The following WDR11 variants were observed in gnomAD, a reference collection of about 807,000 sequenced individuals.
WDR11 encodes the protein WD repeat domain 11.
In WDR11, 83 loss-of-function variants were observed where a neutral mutation model predicts 151.2. The observed-to-expected ratio is 0.55, with a 90% confidence interval of 0.46 to 0.66. WDR11 has a LOEUF of 0.66. Among genes scored for constraint, WDR11 ranks in the 30% least tolerant of loss-of-function variants. The pLI, the probability that WDR11 is intolerant of heterozygous loss-of-function variation, is 0.00. For synonymous variants in WDR11, 484 were observed against 533.1 expected (o/e 0.91, Z 1.27); for missense variants, 1,301 against 1,480.9 (o/e 0.88, Z 1.99).
Position 120,890,832 on chromosome 10 carries a change from C to T in WDR11, c.2460C>T (p.Val820=). Reference sequence around the variant, plus strand: ...CCTCAGATGATGGGTGCATCAGAGTCCTAGAGATGTCTATGAAGTCTGCGT... The same window carrying T: ...CCTCAGATGATGGGTGCATCAGAGTTCTAGAGATGTCTATGAAGTCTGCGT... The part of the protein sequence containing the change: ...ILASDDGCIR[V]LEMSMKSACF... Residue 820 remains valine (V), a synonymous_variant, in exon 19 of 29, where the codon GTC becomes GTT. Coordinates refer to ENST00000263461, the MANE Select transcript of WDR11 (RefSeq NM_018117.12). The T allele has an allele frequency of 6.2e-7, 1 of 1,614,068 alleles. No homozygotes were observed. Among genetic ancestry groups the T allele is most frequent in the Non-Finnish European group, 8.5e-7 (1 of 1,180,024 alleles).
intron 24 of WDR11, 51 bp downstream of exon 24, chr10:120,904,193 C>A (rs372531191): frequency 2.1e-5 from 29 of 1,371,646 alleles, no homozygotes; most frequent in Non-Finnish European, 3.0e-5. Flanking sequence ...CTAGTTAATT[C>A]GTATTTCAGA....
intron 4 of WDR11, among the ~76,000 whole-genome samples, chr10:120,860,816 C>G (rs1164951052): frequency 6.6e-6 from 1 of 152,114 alleles, no homozygotes; most frequent in Non-Finnish European, 1.5e-5. Context: ...ATGAGATGTG[C>G]TTTAGGTATT....
intron 1 of WDR11, chr10:120,851,948 C>A (rs867788740): frequency 4.1e-6 from 1 of 245,760 alleles, no homozygotes. Flanking sequence ...TTTCACCTGT[C>A]CTTTTCACCT....
rs1254158 is a variant in WDR11 at position 120,875,185 on chromosome 10, G to A, written c.1556+1262G>A. 2.6e-5 allele frequency among the ~76,000 whole-genome samples: 4 copies of A among 152,166 alleles called. No homozygotes were observed. The South Asian group carries it at 6.2e-4, about 24-fold the overall frequency. ...GCTGCGTATTTTTCATTTCTATAAC[G>A]ATCCATCAGTAGGACTGCTTATGAC... is the stretch of plus-strand genomic sequence containing the variant. On this transcript the variant is annotated intron_variant, in intron 11 of 28. Coordinates refer to ENST00000263461, the MANE Select transcript of WDR11 (RefSeq NM_018117.12).
intron 1 of WDR11, chr10:120,852,275 C>A (rs563674675): frequency 5.6e-5 from 25 of 448,628 alleles, no homozygotes; most frequent in African/African-American, 4.8e-4. Flanking sequence ...CTTTTTATGT[C>A]CTCGGGTCTC....
intron 24 of WDR11, among the ~76,000 whole-genome samples, chr10:120,904,357 GC>G (rs1263454290): frequency 6.6e-6 from 1 of 151,934 alleles, no homozygotes; most frequent in Non-Finnish European, 1.5e-5. Context: ...CTTCCATAAT[GC>G]CCAGTGGAGC....
chr10:120,851,853 T>G (rs1845787856), intron 1 of WDR11: 3 of 392,426 alleles, frequency 7.6e-6, no homozygotes, highest in Non-Finnish European at 9.5e-6. Context: ...CACTTTCTCT[T>G]TCCCATCCTG....
chr10:120,890,009 G>A lies in WDR11; in HGVS notation c.2343G>A (p.Glu781=). 1 of 1,585,002 alleles carries A rather than the reference G, an allele frequency of 6.3e-7. No homozygotes were observed. Among genetic ancestry groups the A allele is most frequent in the Non-Finnish European group, 8.7e-7 (1 of 1,153,804 alleles). ...NDGAEVWDTK[E]VQMVSSLRSG... ...GAGCTGAAGTGTGGGATACTAAAGA[G>A]GTAGGCCCTCTCCATGAGGATAAAA... The change falls in exon 18 of 29, where the codon GAG becomes GAA. Residue 781 remains glutamate (E), a splice_region_variant and synonymous_variant. Transcript: ENST00000263461.
chr10:120,905,192 C>A, intron 25 of WDR11, 127 bp from the exon 26 acceptor site: 1 of 884,610 alleles, frequency 1.1e-6, no homozygotes, highest in Non-Finnish European at 1.8e-6. Context: ...GAATTTAAAT[C>A]AAGAATGTCT....
chr10:120,875,978 C>CTTTTTTTTTTT (rs67775105), intron 11 of WDR11, among the ~76,000 whole-genome samples: 6 of 122,810 alleles, frequency 4.9e-5, no homozygotes, highest in Admixed American at 9.2e-5. Context: ...CCTTTTTTTT[C>CTTTTTTTTTTT]TTTTTTTTTT....
At chr10:120,889,369 C>T (rs1009941182) in intron 17 of WDR11, 185 bp downstream of exon 17, 8 of 552,264 alleles carry the variant, frequency 1.4e-5, no homozygotes, top group African/African-American at 1.3e-4. Context: ...ACCCGAGTAG[C>T]TGGGACTACA....
At chr10:120,861,325 AG>A (rs889230171) in intron 4 of WDR11, among the ~76,000 whole-genome samples, 7 of 152,338 alleles carry the variant, frequency 4.6e-5, no homozygotes, top group Middle Eastern at 3.4e-3. Context: ...AATACACTAC[AG>A]GGTGCTTAGG....
At chr10:120,888,288 C>T (rs1847294661) in intron 16 of WDR11, among the ~76,000 whole-genome samples, 1 of 152,188 alleles carries the variant, frequency 6.6e-6, no homozygotes, top group African/African-American at 2.4e-5. Flanking sequence ...GTTTCATGAA[C>T]TTACCCTACT....
In WDR11 at chr10:120,890,885, C is replaced by T; in HGVS notation, c.2513C>T (p.Thr838Ile). The change falls in exon 19 of 29, where the codon ACC (threonine) becomes ATC (isoleucine). Residue 838 changes from threonine (T) to isoleucine (I), a missense_variant and splice_region_variant. Coordinates refer to ENST00000263461, the MANE Select transcript of WDR11 (RefSeq NM_018117.12). ...TTTAGAATGGATGAACAAGAGTTAA[C>T]CGGTATGGAATCCTAATGATAGGGG... ...ACFRMDEQEL[T>I]EPVWCPYLLV... 1 of 1,614,116 alleles carries T rather than the reference C, an allele frequency of 6.2e-7. No homozygotes were observed. Among genetic ancestry groups the T allele is most frequent in the East Asian group, 2.2e-5 (1 of 44,862 alleles).
intron 11 of WDR11, among the ~76,000 whole-genome samples, chr10:120,877,132 T>C (rs953043546): frequency 2.0e-5 from 3 of 152,208 alleles, no homozygotes; most frequent in African/African-American, 7.2e-5. Flanking sequence ...TAAGGTTTAT[T>C]ATCCTGGATT....
At chr10:120,905,632 A>G in intron 26 of WDR11, 1 of 800,974 alleles carries the variant, frequency 1.2e-6, no homozygotes, top group East Asian at 2.7e-5. Context: ...AAGTAAAAGC[A>G]GCTGCCTCCT....
rs2133744448 is a variant in WDR11 at position 120,865,170 on chromosome 10, G to C, written c.837G>C (p.Val279=). ...LILDLEVNQT[V]GVIAIERTGV... ...TTGACCTTGAGGTGAATCAGACGGTGGGTGTGATTGCAATAGAACGCACAG... is the reference window on the plus strand; with the variant it reads ...TTGACCTTGAGGTGAATCAGACGGTCGGTGTGATTGCAATAGAACGCACAG... The change falls in exon 6 of 29, where the codon GTG becomes GTC. Residue 279 remains valine, a synonymous_variant. Coordinates refer to ENST00000263461, the MANE Select transcript of WDR11 (RefSeq NM_018117.12). 1 of 1,613,842 alleles carries C rather than the reference G, an allele frequency of 6.2e-7. No individual in the cohort carries two copies. The highest frequency in any genetic ancestry group is 1.7e-4 in the Middle Eastern group (1 of 6,058).
chr10:120,886,838 T>G lies in WDR11; in HGVS notation c.2121+2T>G, dbSNP rs1391809692. On this transcript the variant is annotated splice_donor_variant, in intron 16 of 28. Coordinates refer to ENST00000263461, the MANE Select transcript of WDR11 (RefSeq NM_018117.12). LOFTEE classifies it high-confidence loss of function. ...GACAGTGCTCGGATTCCACCAGATG[T>G]GAGTACAACCTTGATTAAATCTTCA... 1 of 1,614,002 alleles carries G rather than the reference T, an allele frequency of 6.2e-7. No homozygotes were observed.
intron 7 of WDR11, among the ~76,000 whole-genome samples, chr10:120,866,241 T>C (rs1390275407): frequency 2.0e-5 from 3 of 152,198 alleles, no homozygotes; most frequent in Admixed American, 1.3e-4. Flanking sequence ...ATTTTCAGGC[T>C]TATAGACTAC....
Sources: gnomAD v4.1 joint callset for allele counts (sites outside exome capture counted in the v4.1 genomes callset) on GRCh38, gnomAD v4.1.1 for gene constraint, MANE v1.5 for transcripts, NCBI Gene and HGNC (gene_info 2026-07-23, HGNC 2026-07-21) for gene names.